SETBP1: variants seen among roughly 807,000 people sequenced by gnomAD.
SETBP1 encodes the protein SET-binding protein.
Under a neutral mutation model 101.0 loss-of-function variants are expected in SETBP1, and 9 were observed. The observed-to-expected ratio is 0.09, with a 90% confidence interval of 0.05 to 0.16. SETBP1 has a LOEUF of 0.16. Ranked by LOEUF, SETBP1 falls within the 10% of genes least tolerant of loss-of-function variation. The probability of loss-of-function intolerance (pLI) is 1.00; values close to 1 mark genes in which losing one functional copy is unlikely to be tolerated. For synonymous variants in SETBP1, 818 were observed against 788.5 expected, an observed-to-expected ratio of 1.04 and a Z score of -0.63; for missense variants, 1,858 against 2,033.8, an observed-to-expected ratio of 0.91 and a Z score of 1.66.
At chr18:45,047,910 A>G (rs1284606631) in intron 5 of SETBP1, among the ~76,000 whole-genome samples, 1 of 152,174 alleles carries the variant, frequency 6.6e-6, no homozygotes, top group East Asian at 1.9e-4. Flanking sequence ...TCCCTGGGAG[A>G]CACTGGAGTC....
At chr18:44,842,769 T>G (rs1207817330) in intron 2 of SETBP1, among the ~76,000 whole-genome samples, 2 of 152,242 alleles carry the variant, frequency 1.3e-5, no homozygotes, top group African/African-American at 4.8e-5. Context: ...TCTCTAGTTT[T>G]GTGGGTGGAC....
chr18:44,727,595 A>G (rs1480802480), intron 2 of SETBP1, among the ~76,000 whole-genome samples: 4 of 152,214 alleles, frequency 2.6e-5, no homozygotes, highest in Non-Finnish European at 5.9e-5. Flanking sequence ...CAAAGGAACA[A>G]CAATCATTTA....
intron 4 of SETBP1, among the ~76,000 whole-genome samples, chr18:45,017,698 T>C (rs937187045): frequency 6.6e-6 from 1 of 152,250 alleles, no homozygotes; most frequent in Non-Finnish European, 1.5e-5. Flanking sequence ...CTTTTTCCAT[T>C]ATGACCAGTG....
intron 2 of SETBP1, among the ~76,000 whole-genome samples, chr18:44,780,354 G>A (rs1237791591): frequency 6.6e-6 from 1 of 152,164 alleles, no homozygotes; most frequent in Non-Finnish European, 1.5e-5. Context: ...TCATTTTGGA[G>A]CTATCATTTC....
At chr18:45,037,371 G>C (rs2145490601) in intron 4 of SETBP1, among the ~76,000 whole-genome samples, 1 of 152,220 alleles carries the variant, frequency 6.6e-6, no homozygotes, top group African/African-American at 2.4e-5. Context: ...GTTACCACTG[G>C]TTCTGAGGAA....
chr18:44,803,960 G>A (rs577656450), intron 2 of SETBP1, among the ~76,000 whole-genome samples: 1 of 152,036 alleles, frequency 6.6e-6, no homozygotes, highest in Non-Finnish European at 1.5e-5. Context: ...GCATATTATT[G>A]GAACTATTTT....
intron 3 of SETBP1, among the ~76,000 whole-genome samples, chr18:44,933,138 G>T (rs1216228373): frequency 6.6e-6 from 1 of 152,042 alleles, no homozygotes; most frequent in African/African-American, 2.4e-5. Flanking sequence ...TTTGGTGTGG[G>T]TGTCCTTTCT....
At chr18:44,793,386 C>T (rs866797720) in intron 2 of SETBP1, among the ~76,000 whole-genome samples, 2 of 152,164 alleles carry the variant, frequency 1.3e-5, no homozygotes, top group African/African-American at 4.8e-5. Flanking sequence ...TGCCAGTGCC[C>T]CTCCTCAGGG....
chr18:44,726,558 A>G (rs1406781624), intron 2 of SETBP1, among the ~76,000 whole-genome samples: 2 of 152,196 alleles, frequency 1.3e-5, no homozygotes, highest in African/African-American at 4.8e-5. Context: ...AAGTCCAGTT[A>G]GTCTGATTTC....
At chr18:44,788,596 T>C (rs1047763069) in intron 2 of SETBP1, among the ~76,000 whole-genome samples, 50 of 152,238 alleles carry the variant, frequency 3.3e-4, no homozygotes, top group South Asian at 2.1e-3. Context: ...TTGCAGTATT[T>C]CCACTCACTT....
At chr18:44,688,225 AT>A (rs1263425951) in intron 1 of SETBP1, among the ~76,000 whole-genome samples, 3 of 152,214 alleles carry the variant, frequency 2.0e-5, no homozygotes, top group Admixed American at 1.3e-4. Flanking sequence ...CAATTTCTTC[AT>A]TATTCCTTTT....
chr18:45,034,300 C>T (rs1343099252), intron 4 of SETBP1, among the ~76,000 whole-genome samples: 1 of 152,176 alleles, frequency 6.6e-6, no homozygotes, highest in Non-Finnish European at 1.5e-5. Context: ...CTAGATGCAG[C>T]GCCTGCCACT....
In SETBP1 at chr18:45,063,781, C is replaced by T. The variant is rs182854123; in HGVS notation, c.*83C>T. On this transcript the variant is annotated 3_prime_UTR_variant, in exon 6 of 6. Coordinates refer to ENST00000649279, the MANE Select transcript of SETBP1 (RefSeq NM_015559.3). ...GAGCCGGGGCGGGGGCGGAATCCCC[C>T]GCTGCAGGGACACCCACGCCCTTCT... 26 of 1,456,334 alleles carry T rather than the reference C, an allele frequency of 1.8e-5. No homozygotes were observed. In the African/African-American group the frequency reaches 2.4e-4, roughly 14 times the overall value. The allele number at this position is 1,456,334 out of a possible 1,614,324, so 90.2% of individuals were successfully genotyped here. A position where few individuals can be genotyped will look rare whatever the true frequency, so the allele number is the denominator to read the frequency against.
chr18:44,881,449 A>C (rs1016314151), intron 3 of SETBP1, among the ~76,000 whole-genome samples: 16 of 152,236 alleles, frequency 1.1e-4, no homozygotes, highest in African/African-American at 3.9e-4. Context: ...GAAAAGAGCA[A>C]TCAGCTAAAC....
intron 2 of SETBP1, among the ~76,000 whole-genome samples, chr18:44,728,988 C>G (rs1279380571): frequency 6.6e-6 from 1 of 152,190 alleles, no homozygotes; most frequent in East Asian, 1.9e-4. Flanking sequence ...AAGCCCTTTA[C>G]ATGTGTATTT....
chr18:44,820,733 G>A (rs930882839), intron 2 of SETBP1, among the ~76,000 whole-genome samples: 26 of 152,198 alleles, frequency 1.7e-4, no homozygotes, highest in African/African-American at 5.3e-4. Context: ...ATCATGTCTT[G>A]ATCACTTACG....
chr18:45,007,097 C>T (rs934231591), intron 4 of SETBP1, among the ~76,000 whole-genome samples: 2 of 152,186 alleles, frequency 1.3e-5, no homozygotes, highest in African/African-American at 4.8e-5. Context: ...GTTGGGAAAG[C>T]TGACTCAACC....
intron 2 of SETBP1, among the ~76,000 whole-genome samples, chr18:44,861,229 CTTTTTTT>C (rs775284488): frequency 0.01 from 919 of 88,296 alleles, 14 homozygotes; most frequent in African/African-American, 0.036. Context: ...TTTTTCTTTT[CTTTTTTT>C]TTTTTTTTTT....
intron 5 of SETBP1, among the ~76,000 whole-genome samples, chr18:45,049,040 A>G (rs1312494196): frequency 6.6e-6 from 1 of 151,282 alleles, no homozygotes; most frequent in African/African-American, 2.4e-5. Context: ...AGGAGCTTTA[A>G]CACTACGTGG....
Sources: gnomAD v4.1 joint callset for allele counts (sites outside exome capture counted in the v4.1 genomes callset) on GRCh38, gnomAD v4.1.1 for gene constraint, MANE v1.5 for transcripts, NCBI Gene and HGNC (gene_info 2026-07-23, HGNC 2026-07-21) for gene names.